KIAA1549: variants seen among roughly 807,000 people sequenced by gnomAD.
The protein encoded by KIAA1549 is KIAA1549, also known as UPF0606 protein KIAA1549.
KIAA1549 carries 70 observed loss-of-function variants against 156.4 expected under a neutral mutation model. The observed-to-expected ratio is 0.45, with a 90% CI of 0.37 to 0.55. The LOEUF (loss-of-function observed/expected upper bound fraction) is 0.55. KIAA1549 is among the 20% of genes least tolerant of loss of function. The probability of loss-of-function intolerance (pLI) is 0.00; values close to 1 mark genes in which losing one functional copy is unlikely to be tolerated. For missense variants in KIAA1549, 2,428 were observed against 2,540.9 expected, an observed-to-expected ratio of 0.96 and a Z score of 0.96; for synonymous variants, 1,103 against 1,066.4, an observed-to-expected ratio of 1.03 and a Z score of -0.67.
chr7:138,942,244 G>A (rs973791315), intron 1 of KIAA1549, among the ~76,000 whole-genome samples: 1 of 152,052 alleles, frequency 6.6e-6, no homozygotes, highest in African/African-American at 2.4e-5. Context: ...TTCTTGAGCA[G>A]CTCTGTACAA....
At chr7:138,961,466 G>A (rs12113371) in intron 1 of KIAA1549, among the ~76,000 whole-genome samples, 14,318 of 152,104 alleles carry the variant, frequency 0.094, 788 homozygotes, top group South Asian at 0.19. Flanking sequence ...ACCCTGCCAC[G>A]AGGCTATCAC....
Position 138,905,045 on chromosome 7 carries a change from A to C in KIAA1549, c.3497T>G (p.Leu1166Arg). The C allele has an allele frequency of 1.3e-6, 2 of 1,577,194 alleles. No homozygotes were observed. Among genetic ancestry groups the C allele is most frequent in the Non-Finnish European group, 1.7e-6 (2 of 1,159,988 alleles). ...QYPQLNLSQL[L>R]KSSWVRTVLL... ...ACCTGTTCTGACCCAAGAGGACTTC[A>C]GCAACTGAGATAAGTTGAGCTGTGG... The change falls in exon 7 of 20, where the codon CTG (leucine) becomes CGG (arginine). Residue 1166 changes from leucine (L) to arginine (R), a missense_variant. Leu to Arg is a moderately radical substitution (Grantham distance 102, BLOSUM62 -2). Transcript: ENST00000422774.
chr7:138,903,600 G>T lies in KIAA1549; in HGVS notation c.3657C>A (p.Asn1219Lys), dbSNP rs1335130335. 1 of 1,613,654 alleles carries T rather than the reference G, an allele frequency of 6.2e-7. No homozygotes were observed. Among genetic ancestry groups the T allele is most frequent in the Non-Finnish European group, 8.5e-7 (1 of 1,179,856 alleles). ...TGATGTGGAGTACCTGCACCACACT[G>T]TTCCCTGCAGCTACAGTGGCCCTTC... ...MWRRATVAAG[N>K]SVVQVVNVSR... The change falls in exon 8 of 20, where the codon AAC becomes AAA. Residue 1219 changes from asparagine (N) to lysine (K), a missense_variant. By Grantham distance (94) the Asn-to-Lys change is moderately conservative (BLOSUM62 0). Around this residue, in one of 5 missense-constraint regions of KIAA1549, gnomAD observed 762 missense variants for 901.6 expected, o/e 0.85. Transcript: ENST00000422774.
At chr7:138,903,852 T>TGTGTGC (rs1299779818) in intron 7 of KIAA1549, 116 bp from the exon 8 acceptor site, 9 of 287,532 alleles carry the variant, frequency 3.1e-5, no homozygotes, top group Admixed American at 8.0e-5. Flanking sequence ...TGTGTGTGTG[T>TGTGTGC]GCGCGCGCGC....
intron 1 of KIAA1549, among the ~76,000 whole-genome samples, chr7:138,968,859 CAA>C (rs75576327): frequency 0.043 from 2,833 of 66,348 alleles, 32 homozygotes; most frequent in Admixed American, 0.055. Context: ...GACTCCGTCT[CAA>C]AAAAAAAAAA....
intron 15 of KIAA1549, 142 bp downstream of exon 15, chr7:138,867,833 C>G (rs1584715772): frequency 2.3e-6 from 2 of 878,750 alleles, no homozygotes; most frequent in East Asian, 5.3e-5. Flanking sequence ...ACCTAGAGGG[C>G]CCTGGTGCAT....
Position 138,918,287 on chromosome 7 carries a change from C to G in KIAA1549, c.1339G>C (p.Gly447Arg), listed in dbSNP as rs761670790. 1.2e-6 allele frequency: 2 copies of G among 1,613,984 alleles called. No individual in the cohort carries two copies. Among genetic ancestry groups the G allele is most frequent in the South Asian group, 2.2e-5 (2 of 91,082 alleles). Reference protein sequence around the residue: ...LMEKDVGSGDGAETLCMTVLE... With the variant: ...LMEKDVGSGDRAETLCMTVLE... ...ACGGTCATGCACAGAGTCTCGGCAC[C>G]ATCCCCTGATCCCACGTCTTTCTCC... The change falls in exon 2 of 20, where the codon GGT becomes CGT. Residue 447 changes from glycine to arginine, a missense_variant. By Grantham distance (125) the Gly-to-Arg change is moderately radical. This residue lies in a region of KIAA1549 where 893 missense variants were observed against 847.9 expected (regional missense o/e 1.05). Transcript: ENST00000422774. This position sits in a 1 kb window ranked among gnomAD's most constrained non-coding sequence, Gnocchi z 4.2.
At chr7:138,886,954 T>G (rs1332107947) in intron 10 of KIAA1549, among the ~76,000 whole-genome samples, 1 of 152,064 alleles carries the variant, frequency 6.6e-6, no homozygotes. Flanking sequence ...CAGGCTGGAA[T>G]ACAATGGTAT....
rs1809627548 is a variant in KIAA1549 at position 138,834,011 on chromosome 7, C to T, written c.*3895G>A. 4.3e-6 allele frequency: 1 copy of T among 230,790 alleles called. No individual in the cohort carries two copies. The highest frequency in any genetic ancestry group is 8.6e-6 in the Non-Finnish European group (1 of 116,462). 14.3% of individuals were successfully genotyped at this position (230,790 alleles called of 1,614,324 possible). Reference sequence around the variant, plus strand: ...TTCACTCCTTCCCTACAGCCTTTCCCAGGCCCACTCTCAGCTCTTCCTTCC... The same window carrying T: ...TTCACTCCTTCCCTACAGCCTTTCCTAGGCCCACTCTCAGCTCTTCCTTCC... On this transcript the variant is annotated 3_prime_UTR_variant, in exon 20 of 20. Coordinates refer to ENST00000422774, the MANE Select transcript of KIAA1549 (RefSeq NM_001164665.2).
chr7:138,872,847 T>A (rs1281662275), intron 12 of KIAA1549, among the ~76,000 whole-genome samples: 3 of 152,116 alleles, frequency 2.0e-5, no homozygotes, highest in Admixed American at 6.5e-5. Context: ...GAGGGTGCAG[T>A]GAGCCGAGAT....
chr7:138,967,439 C>A (rs1257212687), intron 1 of KIAA1549, among the ~76,000 whole-genome samples: 6 of 152,112 alleles, frequency 3.9e-5, no homozygotes, highest in Non-Finnish European at 5.9e-5. Context: ...AAGTTCTAGG[C>A]AGAGGGAACA....
At chr7:138,967,530 G>C (rs1251818724) in intron 1 of KIAA1549, among the ~76,000 whole-genome samples, 1 of 152,080 alleles carries the variant, frequency 6.6e-6, no homozygotes, top group African/African-American at 2.4e-5. Flanking sequence ...CTCTCAAAAG[G>C]CATTAAGATA....
In KIAA1549 at chr7:138,917,382, G is replaced by C. The variant is rs1229747741; in HGVS notation, c.2244C>G (p.Phe748Leu). Residue 748 changes from phenylalanine to leucine, a missense_variant, in exon 2 of 20, where the codon TTC (phenylalanine) becomes TTG (leucine). Phe to Leu is a conservative substitution (Grantham distance 22). Coordinates refer to ENST00000422774, the MANE Select transcript of KIAA1549 (RefSeq NM_001164665.2). ...TDSEAHFTSA[F>L]IETTSYLESS... ...ACTCAAGATAGGAGGTAGTTTCAAT[G>C]AAAGCTGAGGTAAAATGAGCTTCTG... 2.5e-6 allele frequency: 4 copies of C among 1,613,946 alleles called. No individual in the cohort carries two copies. Among genetic ancestry groups the C allele is most frequent in the Non-Finnish European group, 3.4e-6 (4 of 1,179,838 alleles).
intron 19 of KIAA1549, among the ~76,000 whole-genome samples, chr7:138,838,853 T>A (rs938562132): frequency 6.6e-6 from 1 of 152,112 alleles, no homozygotes; most frequent in Non-Finnish European, 1.5e-5. Flanking sequence ...TGTTCCAAAG[T>A]GGATGTGACA....
intron 10 of KIAA1549, among the ~76,000 whole-genome samples, chr7:138,886,213 C>T (rs1811386954): frequency 6.6e-6 from 1 of 152,182 alleles, no homozygotes; most frequent in African/African-American, 2.4e-5. Flanking sequence ...AAGGCTTTGT[C>T]TTATTTGTGC....
chr7:138,857,754 A>T (rs1810435556), intron 16 of KIAA1549, among the ~76,000 whole-genome samples: 1 of 152,170 alleles, frequency 6.6e-6, no homozygotes, highest in African/African-American at 2.4e-5. Flanking sequence ...CTTTAATAAT[A>T]CTCTTTACTA....
chr7:138,866,515 G>T (rs1810745856), intron 15 of KIAA1549, among the ~76,000 whole-genome samples: 1 of 152,196 alleles, frequency 6.6e-6, no homozygotes, highest in Non-Finnish European at 1.5e-5. Context: ...GGCTGGCTCT[G>T]TGAGTGCCTC....
chr7:138,844,630 CCT>C (rs1810021822), intron 17 of KIAA1549, among the ~76,000 whole-genome samples, 156 bp from the exon 18 acceptor site: 1 of 152,150 alleles, frequency 6.6e-6, no homozygotes, highest in Non-Finnish European at 1.5e-5. Flanking sequence ...TCTCCTGCTC[CCT>C]GAGGGAAGGG....
rs773741667 is a variant in KIAA1549, at chr7:138,917,879, C to A, written c.1747G>T (p.Val583Phe). Reference sequence around the variant, plus strand: ...GGCGTAAAAACACTCGGGTCTCTGACGGCAAGCGACGGTGTGTTTTTGTTT... The same window carrying A: ...GGCGTAAAAACACTCGGGTCTCTGAAGGCAAGCGACGGTGTGTTTTTGTTT... ...IANKNTPSLA[V>F]RDPSVFTPYS... The change falls in exon 2 of 20, where the codon GTC (valine) becomes TTC (phenylalanine). Residue 583 changes from valine to phenylalanine, a missense_variant. Val to Phe is a conservative substitution (Grantham distance 50). Transcript: ENST00000422774. 6.2e-7 allele frequency: 1 copy of A among 1,603,362 alleles called. No homozygotes were observed. The highest frequency in any genetic ancestry group is 8.5e-7 in the Non-Finnish European group (1 of 1,175,052).
Sources: gnomAD v4.1 joint callset for allele counts (sites outside exome capture counted in the v4.1 genomes callset) on GRCh38, gnomAD v4.1.1 for gene constraint, gnomAD v4.1.1 regional missense constraint, Gnocchi (gnomAD v3.1) non-coding constraint, MANE v1.5 for transcripts, NCBI Gene and HGNC (gene_info 2026-07-23, HGNC 2026-07-21) for gene names.